The following GNA14 variants were observed in gnomAD, a reference collection of about 807,000 sequenced individuals.
The protein encoded by GNA14 is guanine nucleotide-binding protein subunit alpha-14.
GNA14 carries 50 observed loss-of-function variants against 42.0 expected under a neutral mutation model. The observed-to-expected ratio is 1.19, with a 90% CI of 0.95 to 1.51. The LOEUF is 1.51. GNA14 is among the 40% of genes most tolerant of loss of function. GNA14 has a pLI of 0.00. For synonymous variants in GNA14, 173 were observed against 163.1 expected (o/e 1.06, Z -0.46); for missense variants, 473 against 446.2 (o/e 1.06, Z -0.54).
At chr9:77,500,189 CT>C (rs1187068428) in intron 2 of GNA14, among the ~76,000 whole-genome samples, 1 of 151,822 alleles carries the variant, frequency 6.6e-6, no homozygotes, top group South Asian at 2.1e-4. Context: ...CTCCTGGCTA[CT>C]TTTTTTCAGT....
At chr9:77,539,830 T>G (rs1276800271) in intron 1 of GNA14, among the ~76,000 whole-genome samples, 2 of 152,150 alleles carry the variant, frequency 1.3e-5, no homozygotes, top group Non-Finnish European at 2.9e-5. Context: ...GATGATCTTT[T>G]GTACTTCTGT....
intron 2 of GNA14, among the ~76,000 whole-genome samples, chr9:77,441,492 T>A (rs1010842770): frequency 5.9e-5 from 9 of 152,258 alleles, no homozygotes; most frequent in African/African-American, 2.2e-4. Context: ...TTTATAGCAA[T>A]GTGAGAACGG....
chr9:77,460,310 GTT>G (rs1836081436), intron 2 of GNA14, among the ~76,000 whole-genome samples: 2 of 152,206 alleles, frequency 1.3e-5, no homozygotes, highest in South Asian at 4.1e-4. Context: ...AGATTGCAGT[GTT>G]GTGTCCGCAA....
intron 2 of GNA14, among the ~76,000 whole-genome samples, chr9:77,480,260 AG>A (rs750738577): frequency 6.6e-6 from 1 of 152,188 alleles, no homozygotes; most frequent in African/African-American, 2.4e-5. Flanking sequence ...TTTAGCATGA[AG>A]GGTTGTTGAA....
chr9:77,635,754 A>G (rs1331974058), intron 1 of GNA14, among the ~76,000 whole-genome samples: 1 of 152,194 alleles, frequency 6.6e-6, no homozygotes, highest in Admixed American at 6.5e-5. Context: ...AGAAACTAGG[A>G]AATTCAACAT....
intron 1 of GNA14, among the ~76,000 whole-genome samples, chr9:77,630,526 A>G (rs989584657): frequency 6.6e-6 from 1 of 152,198 alleles, no homozygotes; most frequent in African/African-American, 2.4e-5. Flanking sequence ...TGGGTTTTTA[A>G]AATGTGTAAA....
intron 1 of GNA14, among the ~76,000 whole-genome samples, chr9:77,546,085 C>T (rs1019213225): frequency 3.3e-5 from 5 of 151,678 alleles, no homozygotes; most frequent in South Asian, 2.1e-4. Flanking sequence ...GGCGTGGTGG[C>T]GGGTGCCTGT....
At chr9:77,586,073 C>T (rs1823296663) in intron 1 of GNA14, among the ~76,000 whole-genome samples, 1 of 152,120 alleles carries the variant, frequency 6.6e-6, no homozygotes, top group Non-Finnish European at 1.5e-5. Context: ...CAGGCTACAA[C>T]AGCCGCGCTC....
At chr9:77,488,800 A>C (rs927407099) in intron 2 of GNA14, among the ~76,000 whole-genome samples, 4 of 150,878 alleles carry the variant, frequency 2.7e-5, no homozygotes, top group South Asian at 2.1e-4. Context: ...AAAAAAAAAA[A>C]AAAAAAAAAC....
In GNA14 at chr9:77,517,411, G is replaced by A. The variant is rs1003324880; in HGVS notation, c.309+11658C>T. Reference sequence around the variant, plus strand: ...ATTGTTTCAAAAATAGGGAGCGAGGGGCCACCCATTAATTCATTGTTTCAA... The same window carrying A: ...ATTGTTTCAAAAATAGGGAGCGAGGAGCCACCCATTAATTCATTGTTTCAA... On this transcript the variant is annotated intron_variant, in intron 2 of 6. Transcript: ENST00000341700. 13 of 151,916 alleles carry A rather than the reference G, an allele frequency of 8.6e-5. No homozygotes were observed. The East Asian group carries it at 2.1e-3, about 25-fold the overall frequency. 9.4% of individuals were successfully genotyped at this position (151,916 alleles called of 1,614,324 possible). A position where few individuals can be genotyped will look rare whatever the true frequency, so the allele number is the denominator to read the frequency against.
At chr9:77,442,473 T>C (rs1004633421) in intron 2 of GNA14, among the ~76,000 whole-genome samples, 6 of 152,226 alleles carry the variant, frequency 3.9e-5, no homozygotes, top group Non-Finnish European at 5.9e-5. Flanking sequence ...TGCAATGGGA[T>C]GTTTTACTCC....
intron 1 of GNA14, among the ~76,000 whole-genome samples, chr9:77,626,694 T>C (rs1210322220): frequency 6.6e-6 from 1 of 150,408 alleles, no homozygotes. Context: ...AAGCAATGAG[T>C]ACACACAATG....
At chr9:77,458,903 G>GA (rs1181674177) in intron 2 of GNA14, among the ~76,000 whole-genome samples, 2 of 119,496 alleles carry the variant, frequency 1.7e-5, no homozygotes, top group Non-Finnish European at 3.5e-5. Context: ...TCACAAGCTG[G>GA]AGGGGGGGGG....
intron 4 of GNA14, 28 bp from the exon 5 acceptor site, chr9:77,429,064 A>G (rs1835503323): frequency 1.2e-6 from 2 of 1,612,644 alleles, no homozygotes. Context: ...AGATCCTTCA[A>G]AGGTTGGAAT....
At chr9:77,464,349 ATATGTG>A (rs1479723820) in intron 2 of GNA14, among the ~76,000 whole-genome samples, 7 of 102,062 alleles carry the variant, frequency 6.9e-5, no homozygotes, top group African/African-American at 3.0e-4. Context: ...GTGTGTGTGT[ATATGTG>A]TGTGTGTGTG....
chr9:77,517,585 C>CTTTTTTTT (rs1564039528), intron 2 of GNA14: 1 of 48,810 alleles, frequency 2.0e-5, no homozygotes, highest in African/African-American at 7.9e-5. Flanking sequence ...TATCCTGGTA[C>CTTTTTTTT]TTTTCTTTTT....
intron 2 of GNA14, among the ~76,000 whole-genome samples, chr9:77,462,377 T>C (rs1232981240): frequency 6.6e-6 from 1 of 152,160 alleles, no homozygotes; most frequent in Non-Finnish European, 1.5e-5. Context: ...GCTGACGGTA[T>C]GCTCCCCCTT....
chr9:77,450,034 G>A (rs575123046), intron 2 of GNA14, among the ~76,000 whole-genome samples: 5 of 152,196 alleles, frequency 3.3e-5, no homozygotes, highest in South Asian at 4.1e-4. Flanking sequence ...GACCTGGGCC[G>A]AAGGACATTT....
At chr9:77,543,922 G>A (rs1427484010) in intron 1 of GNA14, among the ~76,000 whole-genome samples, 2 of 152,090 alleles carry the variant, frequency 1.3e-5, no homozygotes, top group African/African-American at 4.8e-5. Context: ...ATGCAGTGAG[G>A]CTACAAGGCT....
Sources: gnomAD v4.1 joint callset for allele counts (sites outside exome capture counted in the v4.1 genomes callset) on GRCh38, gnomAD v4.1.1 for gene constraint, MANE v1.5 for transcripts, NCBI Gene and HGNC (gene_info 2026-07-23, HGNC 2026-07-21) for gene names.